The following PTPRJ variants were observed in gnomAD, a reference collection of about 807,000 sequenced individuals.
PTPRJ encodes receptor-type tyrosine-protein phosphatase eta.
PTPRJ carries 129 observed loss-of-function variants against 141.3 expected under a neutral mutation model. That is an observed-to-expected ratio of 0.91 (90% CI 0.79 to 1.06). The LOEUF (loss-of-function observed/expected upper bound fraction) is 1.06. Among genes scored for constraint, PTPRJ ranks in the 50% least tolerant of loss-of-function variants. PTPRJ has a pLI of 0.00. For missense variants in PTPRJ, 1,601 were observed against 1,679.7 expected (o/e 0.95, Z 0.82); for synonymous variants, 610 against 640.5 (o/e 0.95, Z 0.72).
At chr11:48,001,549 C>T (rs996726827) in intron 1 of PTPRJ, among the ~76,000 whole-genome samples, 24 of 152,096 alleles carry the variant, frequency 1.6e-4, no homozygotes, top group Non-Finnish European at 3.4e-4. Context: ...TTTTTCTTGG[C>T]TGCAAAATGT....
chr11:48,119,461 T>G (rs1011159028), intron 3 of PTPRJ, among the ~76,000 whole-genome samples: 14 of 152,162 alleles, frequency 9.2e-5, no homozygotes, highest in African/African-American at 3.4e-4. Context: ...TGCAGTGGTG[T>G]GATCTTGGTT....
chr11:48,072,491 A>G (rs1400246562), intron 1 of PTPRJ, among the ~76,000 whole-genome samples: 2 of 152,218 alleles, frequency 1.3e-5, no homozygotes, highest in African/African-American at 2.4e-5. Flanking sequence ...GGGGACAGAC[A>G]TTCAAACCAT....
chr11:48,073,090 G>C (rs1413503975), intron 1 of PTPRJ, among the ~76,000 whole-genome samples: 1 of 152,142 alleles, frequency 6.6e-6, no homozygotes, highest in African/African-American at 2.4e-5. Context: ...TCTTACGATG[G>C]GGGTGGTCTC....
At position 48,048,474 on chromosome 11, in the gene PTPRJ, T is replaced by C. The variant is rs947554808; in HGVS notation, c.97-61584T>C. Among the ~76,000 whole-genome samples, 5 of 152,296 alleles carry C rather than the reference T, an allele frequency of 3.3e-5. No individual in the cohort carries two copies. The East Asian group carries it at 9.7e-4, about 29-fold the overall frequency. ...TTGTTTTTCATGCATTTTGTGTTTG[T>C]AGTGTGCTGGCCACGGGAGCACTCT... On this transcript the variant is annotated intron_variant, in intron 1 of 24. Transcript: ENST00000418331.
At chr11:48,144,249 T>C (rs1857300166) in intron 12 of PTPRJ, among the ~76,000 whole-genome samples, 1 of 152,180 alleles carries the variant, frequency 6.6e-6, no homozygotes, top group African/African-American at 2.4e-5. Context: ...CTCTTAGTCA[T>C]TTTGCTGTGA....
chr11:48,069,736 C>A (rs58907111), intron 1 of PTPRJ, among the ~76,000 whole-genome samples: 1 of 152,292 alleles, frequency 6.6e-6, no homozygotes, highest in Non-Finnish European at 1.5e-5. Flanking sequence ...CAGGCCTCTG[C>A]GCCTGGCCTT....
chr11:48,149,410 CT>C, intron 15 of PTPRJ, 36 bp from the exon 16 acceptor site: 5 of 1,403,444 alleles, frequency 3.6e-6, no homozygotes, highest in Admixed American at 1.9e-5. Context: ...GGAAGGAATC[CT>C]TTTTTGTCTA....
chr11:48,075,928 C>T (rs10734561), intron 1 of PTPRJ, among the ~76,000 whole-genome samples: 102,402 of 151,714 alleles, frequency 0.67, 35,661 homozygotes, highest in South Asian at 0.81. Flanking sequence ...GGTGTTTGAG[C>T]CTCCTGCATG....
At chr11:48,012,032 G>A (rs1166112776) in intron 1 of PTPRJ, among the ~76,000 whole-genome samples, 1 of 152,128 alleles carries the variant, frequency 6.6e-6, no homozygotes, top group Non-Finnish European at 1.5e-5. Flanking sequence ...CTGTTGAAGT[G>A]ACAGAGTACG....
chr11:48,107,161 T>C (rs1461806433), intron 1 of PTPRJ, among the ~76,000 whole-genome samples: 1 of 151,920 alleles, frequency 6.6e-6, no homozygotes, highest in Admixed American at 6.6e-5. Context: ...CAGAAAGCCG[T>C]GTTAACCATT....
chr11:48,166,580 G>T (rs1857923322), intron 24 of PTPRJ, among the ~76,000 whole-genome samples: 1 of 152,098 alleles, frequency 6.6e-6, no homozygotes, highest in Non-Finnish European at 1.5e-5. Context: ...TCCCCAAAGT[G>T]CTGGGATTAC....
intron 1 of PTPRJ, among the ~76,000 whole-genome samples, chr11:48,095,148 G>C (rs565485779): frequency 6.6e-6 from 1 of 152,330 alleles, no homozygotes; most frequent in East Asian, 1.9e-4. Flanking sequence ...ATAGAAAACA[G>C]TCAACTGGAA....
intron 1 of PTPRJ, among the ~76,000 whole-genome samples, chr11:48,094,844 T>C (rs115687542): frequency 7.8e-4 from 118 of 152,238 alleles, no homozygotes; most frequent in African/African-American, 2.8e-3. Flanking sequence ...CCCGAGAACA[T>C]GTTTTCTCCG....
intron 1 of PTPRJ, among the ~76,000 whole-genome samples, chr11:48,081,635 C>T (rs1855560848): frequency 6.6e-6 from 1 of 152,066 alleles, no homozygotes; most frequent in Admixed American, 6.6e-5. Context: ...GAGAATGGGG[C>T]CAGGCTGCGG....
Position 48,169,593 on chromosome 11 carries a change from G to T in PTPRJ, c.*2231G>T, listed in dbSNP as rs1050082903. ...TGGCCCTCTCCCCTCCAATATGTCC[G>T]AAACCATTGTGATGGGTGGCAAATC... On this transcript the variant is annotated 3_prime_UTR_variant, in exon 25 of 25. Coordinates refer to ENST00000418331, the MANE Select transcript of PTPRJ (RefSeq NM_002843.4). 7 of 152,176 alleles carry T rather than the reference G, an allele frequency of 4.6e-5. No individual in the cohort carries two copies. The highest frequency in any genetic ancestry group is 1.4e-4 in the African/African-American group (6 of 41,414). The allele number at this position is 152,176 out of a possible 1,614,324, so 9.4% of individuals were successfully genotyped here. A position where few individuals can be genotyped will look rare whatever the true frequency, so the allele number is the denominator to read the frequency against.
At chr11:48,131,051 C>CACACACACACAT (rs1286082298) in intron 8 of PTPRJ, among the ~76,000 whole-genome samples, 2 of 112,072 alleles carry the variant, frequency 1.8e-5, no homozygotes, top group African/African-American at 4.0e-5. Flanking sequence ...CACACACACA[C>CACACACACACAT]ATATATATAT....
chr11:48,125,106 G>C lies in PTPRJ; in HGVS notation c.1013G>C (p.Gly338Ala), dbSNP rs1856803939. 6.2e-7 allele frequency: 1 copy of C among 1,614,024 alleles called. No homozygotes were observed. Among genetic ancestry groups the C allele is most frequent in the Middle Eastern group, 1.6e-4 (1 of 6,062 alleles). ...TEVLLVGLEP[G>A]TRYNATVYSQ... ...GTCCTGCTTGTCGGGTTAGAGCCTG[G>C]CACCCGATACAATGCCACCGTTTAT... The change falls in exon 6 of 25, where the codon GGC (glycine) becomes GCC (alanine). Residue 338 changes from glycine (G) to alanine (A), a missense_variant. Physicochemically the swap from Gly to Ala is moderately conservative, Grantham distance 60. Coordinates refer to ENST00000418331, the MANE Select transcript of PTPRJ (RefSeq NM_002843.4).
intron 1 of PTPRJ, among the ~76,000 whole-genome samples, chr11:48,011,800 C>T (rs1854798217): frequency 6.6e-6 from 1 of 152,010 alleles, no homozygotes; most frequent in Non-Finnish European, 1.5e-5. Flanking sequence ...TATCTGGGAC[C>T]ACAGGCACAT....
intron 22 of PTPRJ, among the ~76,000 whole-genome samples, chr11:48,161,362 G>A (rs1261322135): frequency 6.6e-6 from 1 of 151,980 alleles, no homozygotes; most frequent in Non-Finnish European, 1.5e-5. Context: ...GAATCTTTTG[G>A]GTGGGTTTTG....
Sources: gnomAD v4.1 joint callset for allele counts (sites outside exome capture counted in the v4.1 genomes callset) on GRCh38, gnomAD v4.1.1 for gene constraint, MANE v1.5 for transcripts, NCBI Gene and HGNC (gene_info 2026-07-23, HGNC 2026-07-21) for gene names.